BMX: variants seen among roughly 807,000 people sequenced by gnomAD.
BMX encodes the protein cytoplasmic tyrosine-protein kinase BMX.
Under a neutral mutation model 59.2 loss-of-function variants are expected in BMX, and 31 were observed. The ratio of observed to expected loss-of-function variants is 0.52; its 90% CI spans 0.39 to 0.71. The LOEUF is 0.71. Among genes scored for constraint, BMX ranks in the 30% least tolerant of loss-of-function variants. The pLI is 0.00. For synonymous variants in BMX, 185 were observed against 181.0 expected, an observed-to-expected ratio of 1.02 and a Z score of -0.18; for missense variants, 474 against 491.7, an observed-to-expected ratio of 0.96 and a Z score of 0.34.
chrX:15,527,492 A>T (rs1056178612), intron 9 of BMX, among the ~76,000 whole-genome samples: 7 of 109,597 alleles, frequency 6.4e-5, no homozygotes, highest in Admixed American at 1.9e-4. Flanking sequence ...AGGGACAAAT[A>T]ATTGTCTCCT....
rs916431694 is a variant in BMX, at chrX:15,549,727, C to T, written c.1796-113C>T. On this transcript the variant is annotated intron_variant, in intron 17 of 18. Transcript: ENST00000348343. ...GGACTCATTTCCCAGGGATCCCTCA[C>T]TCTGACCCATAGCCTTCCTGACCTG... The T allele has an allele frequency of 4.4e-6, 4 of 904,277 alleles. No individual in the cohort carries two copies. The South Asian group carries it at 9.2e-5, about 21-fold the overall frequency. The allele number at this position is 904,277 out of a possible 1,213,427, so 74.5% of individuals were successfully genotyped here.
At chrX:15,503,614 G>A (rs934448609) in intron 1 of BMX, among the ~76,000 whole-genome samples, 1 of 111,900 alleles carries the variant, frequency 8.9e-6, no homozygotes, top group African/African-American at 3.3e-5. Context: ...TCTGTAAAAT[G>A]ACTTCTAGGT....
intron 3 of BMX, among the ~76,000 whole-genome samples, chrX:15,510,579 A>G (rs1923916135): frequency 9.0e-6 from 1 of 111,555 alleles, no homozygotes; most frequent in African/African-American, 3.3e-5. Context: ...TGCTCATGGA[A>G]GATGCTGCAA....
intron 6 of BMX, among the ~76,000 whole-genome samples, chrX:15,521,385 G>GTCA (rs1924446861): frequency 9.0e-6 from 1 of 111,723 alleles, no homozygotes; most frequent in African/African-American, 3.3e-5. Flanking sequence ...TATATTTACC[G>GTCA]TCATCATTGT....
At chrX:15,534,406 G>T in intron 12 of BMX, 67 bp downstream of exon 12, 1 of 982,793 alleles carries the variant, frequency 1.0e-6, no homozygotes, top group South Asian at 3.3e-5. Flanking sequence ...GGATACTACT[G>T]ATCCTCCTAA....
At chrX:15,511,630 A>G in intron 4 of BMX, 112 bp downstream of exon 4, 2 of 570,900 alleles carry the variant, frequency 3.5e-6, no homozygotes, top group South Asian at 3.1e-5. Flanking sequence ...ACTCAATGCC[A>G]AGAGACAATC....
At chrX:15,549,740 C>A in intron 17 of BMX, 100 bp from the exon 18 acceptor site, 2 of 985,314 alleles carry the variant, frequency 2.0e-6, no homozygotes, top group Non-Finnish European at 2.7e-6. Context: ...TGACCCATAG[C>A]CTTCCTGACC....
rs1388579672 is a variant in BMX at position 15,512,749 on chromosome X, TAAATATATTA to T, written c.325+1238_325+1247del. On this transcript the variant is annotated intron_variant, in intron 4 of 18. Coordinates refer to ENST00000348343, the MANE Select transcript of BMX (RefSeq NM_203281.3). Reference sequence around the variant, plus strand: ...TCACGAGCCACAGATGAGACACTCATAAATATATTAAAATATCTTATGCACAAACATGAGT... The same window carrying T: ...TCACGAGCCACAGATGAGACACTCATAAATATCTTATGCACAAACATGAGT... Among the ~76,000 whole-genome samples the T allele has an allele frequency of 4.5e-5, 5 of 112,244 alleles. No individual in the cohort carries two copies. In the East Asian group the frequency reaches 1.4e-3, roughly 31 times the overall value.
chrX:15,532,827 T>A (rs1226167928), intron 11 of BMX, among the ~76,000 whole-genome samples: 16 of 112,595 alleles, frequency 1.4e-4, no homozygotes, highest in Admixed American at 1.3e-3. Context: ...ATTTTGCACA[T>A]GGTAACACCT....
chrX:15,536,347 T>C lies in BMX; in HGVS notation c.1148-6T>C. ...ATGTGATGATATGATGCTGATTCCA[T>C]TGCAGGCATGATCACACGGCTCCGC... is the stretch of plus-strand genomic sequence containing the variant. On this transcript the variant is annotated splice_polypyrimidine_tract_variant and splice_region_variant and intron_variant, in intron 12 of 18. Coordinates refer to ENST00000348343, the MANE Select transcript of BMX (RefSeq NM_203281.3). The C allele has an allele frequency of 1.7e-6, 2 of 1,207,641 alleles. No individual in the cohort carries two copies. The highest frequency in any genetic ancestry group is 2.2e-6 in the Non-Finnish European group (2 of 892,698).
intron 11 of BMX, 98 bp downstream of exon 11, chrX:15,531,505 C>A: frequency 2.7e-6 from 2 of 735,609 alleles, no homozygotes; most frequent in Non-Finnish European, 4.1e-6. Context: ...CATCTTTAAA[C>A]TCTGGAATTT....
chrX:15,503,616 CT>C (rs1338301888), intron 1 of BMX, among the ~76,000 whole-genome samples: 1 of 111,895 alleles, frequency 8.9e-6, no homozygotes, highest in East Asian at 2.8e-4. Context: ...TGTAAAATGA[CT>C]TCTAGGTTTC....
At chrX:15,512,774 C>T (rs917687290) in intron 4 of BMX, among the ~76,000 whole-genome samples, 3 of 112,105 alleles carry the variant, frequency 2.7e-5, no homozygotes, top group African/African-American at 9.7e-5. Flanking sequence ...ATCTTATGCA[C>T]AAACATGAGT....
intron 9 of BMX, among the ~76,000 whole-genome samples, chrX:15,526,316 T>C (rs1924722747): frequency 8.9e-6 from 1 of 112,322 alleles, no homozygotes; most frequent in African/African-American, 3.2e-5. Flanking sequence ...TTATCTAAAT[T>C]GGATGCAAAT....
In BMX at chrX:15,502,633, A is replaced by G. The variant is rs746641045; in HGVS notation, c.-10+1693A>G. On this transcript the variant is annotated intron_variant, in intron 1 of 18. Coordinates refer to ENST00000348343, the MANE Select transcript of BMX (RefSeq NM_203281.3). Reference sequence around the variant, plus strand: ...AGATTTCTGTCCATATCATGCCAAGATCAACTTTAACTTTCCCTCTCCTGC... The same window carrying G: ...AGATTTCTGTCCATATCATGCCAAGGTCAACTTTAACTTTCCCTCTCCTGC... Among the ~76,000 whole-genome samples, 191 of 112,095 alleles carry G rather than the reference A, an allele frequency of 1.7e-3. 1 individual carries two copies. Among genetic ancestry groups the G allele is most frequent in the African/African-American group, 6.0e-3 (185 of 30,829 alleles).
chrX:15,505,843 A>T (rs958067222), intron 1 of BMX, among the ~76,000 whole-genome samples: 25 of 111,776 alleles, frequency 2.2e-4, no homozygotes, highest in African/African-American at 8.1e-4. Context: ...TCATCTTATT[A>T]ATTTTTTATA....
intron 18 of BMX, among the ~76,000 whole-genome samples, chrX:15,554,936 G>A (rs1384299698): frequency 9.0e-6 from 1 of 111,042 alleles, no homozygotes; most frequent in Non-Finnish European, 1.9e-5. Flanking sequence ...TTGTTCATGT[G>A]CTAGCACCAC....
chrX:15,517,951 C>T lies in BMX; in HGVS notation c.468C>T (p.Val156=). The T allele has an allele frequency of 1.7e-6, 2 of 1,206,981 alleles. No homozygotes were observed. Among genetic ancestry groups the T allele is most frequent in the Middle Eastern group, 4.6e-4 (2 of 4,322 alleles). ...WEAYANLHTA[V]NEEKHRVPTF... Reference sequence around the variant, plus strand: ...CAGATGCTAATCTGCATACTGCAGTCAATGAAGAGAAACACAGAGTTCCCA... The same window carrying T: ...CAGATGCTAATCTGCATACTGCAGTTAATGAAGAGAAACACAGAGTTCCCA... Residue 156 remains valine, a synonymous_variant, in exon 6 of 19, where the codon GTC becomes GTT. Coordinates refer to ENST00000348343, the MANE Select transcript of BMX (RefSeq NM_203281.3).
intron 14 of BMX, among the ~76,000 whole-genome samples, 190 bp from the exon 15 acceptor site, chrX:15,541,792 A>AT (rs1431752267): frequency 9.1e-6 from 1 of 109,389 alleles, no homozygotes; most frequent in Non-Finnish European, 1.9e-5. Flanking sequence ...TGAGGCAGAA[A>AT]TTTTTTTTGC....
Sources: gnomAD v4.1 joint callset for allele counts (sites outside exome capture counted in the v4.1 genomes callset) on GRCh38, gnomAD v4.1.1 for gene constraint, MANE v1.5 for transcripts, NCBI Gene and HGNC (gene_info 2026-07-23, HGNC 2026-07-21) for gene names.